The following ABLIM3 variants were observed in gnomAD, a reference collection of about 807,000 sequenced individuals.
ABLIM3 encodes actin binding LIM protein family member 3, also known as actin-binding LIM protein 3.
In ABLIM3, 61 loss-of-function variants were observed where a neutral mutation model predicts 109.5. The observed-to-expected ratio is 0.56, with a 90% CI of 0.45 to 0.69. The LOEUF is 0.69. ABLIM3 is among the 30% of genes least tolerant of loss of function. ABLIM3 has a pLI of 0.00. For synonymous variants in ABLIM3, 300 were observed against 324.8 expected, an observed-to-expected ratio of 0.92 and a Z score of 0.82; for missense variants, 796 against 889.5, an observed-to-expected ratio of 0.89 and a Z score of 1.34.
chr5:149,207,004 G>T lies in ABLIM3; in HGVS notation c.449-4G>T, dbSNP rs1224812267. On this transcript the variant is annotated splice_polypyrimidine_tract_variant and splice_region_variant and intron_variant, in intron 5 of 23. Transcript: ENST00000309868. ...TTGCTCAGCAGTGTCCTCTTGTCTT[G>T]CAGACTGTGCCGGGTGCAAGGAGGA... The T allele has an allele frequency of 1.9e-6, 3 of 1,613,546 alleles. No individual in the cohort carries two copies. In the African/African-American group the frequency reaches 4.0e-5, roughly 22 times the overall value.
chr5:149,240,873 C>T, intron 14 of ABLIM3, 99 bp downstream of exon 14: 1 of 1,167,848 alleles, frequency 8.6e-7, no homozygotes, highest in Non-Finnish European at 1.3e-6. Context: ...CACCAAGAAG[C>T]TGGTTCCTGA....
intron 2 of ABLIM3, among the ~76,000 whole-genome samples, chr5:149,180,441 A>G (rs1756356074): frequency 6.6e-6 from 1 of 152,194 alleles, no homozygotes; most frequent in Non-Finnish European, 1.5e-5. Flanking sequence ...ACTGGAAATG[A>G]GTTGGCTTCC....
At chr5:149,215,546 T>G in intron 7 of ABLIM3, among the ~76,000 whole-genome samples, 1 of 149,764 alleles carries the variant, frequency 6.7e-6, no homozygotes, top group East Asian at 2.0e-4. Context: ...AAAAAAAAAC[T>G]AAGTTTGGAA....
chr5:149,151,089 T>C (rs993802238), intron 2 of ABLIM3, among the ~76,000 whole-genome samples: 2 of 152,226 alleles, frequency 1.3e-5, no homozygotes, highest in Non-Finnish European at 2.9e-5. Context: ...ATGTATTGTT[T>C]TATAGCTCTG....
intron 23 of ABLIM3, 60 bp from the exon 24 acceptor site, chr5:149,258,231 G>A: frequency 6.6e-7 from 1 of 1,506,802 alleles, no homozygotes; most frequent in South Asian, 1.2e-5. Context: ...CCTGCATCTT[G>A]CATCCTCATG....
intron 8 of ABLIM3, among the ~76,000 whole-genome samples, chr5:149,229,460 A>G (rs987209729): frequency 3.9e-5 from 6 of 152,206 alleles, no homozygotes; most frequent in Admixed American, 2.0e-4. Flanking sequence ...AGGATGTGTT[A>G]GGGGCTGAGC....
At chr5:149,165,661 G>A (rs760748169) in intron 2 of ABLIM3, among the ~76,000 whole-genome samples, 2 of 152,050 alleles carry the variant, frequency 1.3e-5, no homozygotes, top group East Asian at 1.9e-4. Context: ...TTGTATGTAC[G>A]CTGCCCTAGT....
intron 18 of ABLIM3, 91 bp from the exon 19 acceptor site, chr5:149,249,724 A>G: frequency 6.6e-7 from 1 of 1,503,850 alleles, no homozygotes; most frequent in Admixed American, 1.7e-5. Flanking sequence ...GGGATCGGGT[A>G]TGGAAGCCAC....
intron 11 of ABLIM3, among the ~76,000 whole-genome samples, 192 bp from the exon 12 acceptor site, chr5:149,239,056 G>A (rs1384454392): frequency 6.6e-6 from 1 of 152,104 alleles, no homozygotes. Context: ...GCATAATCTC[G>A]AGGTTTCCTG....
intron 3 of ABLIM3, among the ~76,000 whole-genome samples, chr5:149,195,214 G>T (rs1456277018): frequency 6.6e-6 from 1 of 152,216 alleles, no homozygotes; most frequent in African/African-American, 2.4e-5. Flanking sequence ...GCACTTGAGT[G>T]CTAGAACAAG....
chr5:149,205,859 C>G (rs1354899473), intron 5 of ABLIM3, among the ~76,000 whole-genome samples: 1 of 152,134 alleles, frequency 6.6e-6, no homozygotes, highest in Non-Finnish European at 1.5e-5. Context: ...GCCCCAGACC[C>G]TCCCCACAGC....
At chr5:149,162,877 T>C (rs995341723) in intron 2 of ABLIM3, among the ~76,000 whole-genome samples, 1 of 152,224 alleles carries the variant, frequency 6.6e-6, no homozygotes, top group Non-Finnish European at 1.5e-5. Context: ...AAATGTGTTT[T>C]CTAGGACGCG....
chr5:149,183,153 C>A (rs1286902324), intron 2 of ABLIM3, among the ~76,000 whole-genome samples: 4 of 152,168 alleles, frequency 2.6e-5, no homozygotes, highest in Admixed American at 2.6e-4. Context: ...TGATCACTTA[C>A]TTTGAAATAC....
At chr5:149,182,497 C>A (rs4320247) in intron 2 of ABLIM3, among the ~76,000 whole-genome samples, 9,437 of 152,220 alleles carry the variant, frequency 0.062, 704 homozygotes, top group African/African-American at 0.18. Flanking sequence ...AGACAGCTAC[C>A]AACATTCCTT....
chr5:149,253,058 CCCCCAAAACTTCCCCATGCTGTT>C (rs1331484228), intron 23 of ABLIM3, among the ~76,000 whole-genome samples: 3 of 151,798 alleles, frequency 2.0e-5, no homozygotes, highest in African/African-American at 4.8e-5. Flanking sequence ...CCATGCTGTT[CCCCCAAAACTTCCCCATGCTGTT>C]CCCCAAAACT....
chr5:149,167,349 T>G (rs1754922781), intron 2 of ABLIM3, among the ~76,000 whole-genome samples: 1 of 152,196 alleles, frequency 6.6e-6, no homozygotes, highest in African/African-American at 2.4e-5. Context: ...ATTTCTAATA[T>G]GATAAATATT....
chr5:149,165,041 ATAGT>A (rs1381588529), intron 2 of ABLIM3, among the ~76,000 whole-genome samples: 8 of 152,232 alleles, frequency 5.3e-5, no homozygotes, highest in Admixed American at 4.6e-4. Context: ...CATTCCAAAC[ATAGT>A]TTCTGAACAT....
chr5:149,247,620 C>A, intron 17 of ABLIM3, 162 bp from the exon 18 acceptor site: 1 of 947,454 alleles, frequency 1.1e-6, no homozygotes, highest in Non-Finnish European at 1.6e-6. Context: ...GATGAGATTG[C>A]AACAGGAAAC....
chr5:149,145,626 C>T (rs1479912858), intron 2 of ABLIM3, among the ~76,000 whole-genome samples: 1 of 152,178 alleles, frequency 6.6e-6, no homozygotes, highest in Admixed American at 6.5e-5. Flanking sequence ...AAAAGCATCC[C>T]TTTTTCTTTG....
Sources: gnomAD v4.1 joint callset for allele counts (sites outside exome capture counted in the v4.1 genomes callset) on GRCh38, gnomAD v4.1.1 for gene constraint, MANE v1.5 for transcripts, NCBI Gene and HGNC (gene_info 2026-07-23, HGNC 2026-07-21) for gene names.